NRG3: variants seen among roughly 807,000 people sequenced by gnomAD.
The protein encoded by NRG3 is neuregulin 3.
Under a neutral mutation model 66.9 loss-of-function variants are expected in NRG3, and 31 were observed. The ratio of observed to expected loss-of-function variants is 0.46; its 90% CI spans 0.35 to 0.63. The LOEUF (loss-of-function observed/expected upper bound fraction) is 0.63, where lower values mean the gene tolerates loss of function less well. Among genes scored for constraint, NRG3 ranks in the 20% least tolerant of loss-of-function variants. The probability of loss-of-function intolerance (pLI) is 0.00; values close to 1 mark genes in which losing one functional copy is unlikely to be tolerated. For synonymous variants in NRG3, 393 were observed against 359.4 expected (o/e 1.09, Z -1.06); for missense variants, 910 against 878.9 (o/e 1.04, Z -0.45).
chr10:82,000,919 T>C (rs1350914296), intron 1 of NRG3, among the ~76,000 whole-genome samples: 1 of 152,180 alleles, frequency 6.6e-6, no homozygotes, highest in Non-Finnish European at 1.5e-5. Flanking sequence ...TCTTTTAAAA[T>C]AATTTTATTC....
chr10:82,294,451 G>C (rs890611658), intron 1 of NRG3, among the ~76,000 whole-genome samples: 5 of 151,920 alleles, frequency 3.3e-5, no homozygotes, highest in Non-Finnish European at 7.4e-5. Flanking sequence ...GTGTGTGTGT[G>C]TGTGTGTGTG....
intron 3 of NRG3, among the ~76,000 whole-genome samples, chr10:82,739,446 A>G (rs2058312723): frequency 6.6e-6 from 1 of 152,212 alleles, no homozygotes; most frequent in African/African-American, 2.4e-5. Context: ...TGGAAAGGCC[A>G]AGTTATGGTT....
rs145662893 is a variant in NRG3, at chr10:82,472,647, T to G, written c.953+113779T>G. On this transcript the variant is annotated intron_variant, in intron 2 of 8. Transcript: ENST00000372141. ...GACACCTCAGGGGAGACATTTAAAG[T>G]CTTTCTTCAGAAGGACTCCCATGTG... Among the ~76,000 whole-genome samples, 606 of 152,320 alleles carry G rather than the reference T, an allele frequency of 4.0e-3. 2 individuals are homozygous for G. The highest frequency in any genetic ancestry group is 0.014 in the African/African-American group (575 of 41,568).
intron 3 of NRG3, among the ~76,000 whole-genome samples, chr10:82,815,821 CA>C (rs762064292): frequency 2.6e-5 from 4 of 152,122 alleles, no homozygotes; most frequent in Admixed American, 1.3e-4. Flanking sequence ...AAGGGTGAGC[CA>C]GGGGTGCAGC....
intron 3 of NRG3, among the ~76,000 whole-genome samples, chr10:82,829,327 A>G (rs2062398706): frequency 6.6e-6 from 1 of 150,864 alleles, no homozygotes; most frequent in Non-Finnish European, 1.5e-5. Flanking sequence ...TTAAAGAATA[A>G]TTGAACTCCT....
intron 8 of NRG3, among the ~76,000 whole-genome samples, chr10:82,981,573 CCTT>C (rs1010166573): frequency 6.6e-6 from 1 of 152,200 alleles, no homozygotes; most frequent in African/African-American, 2.4e-5. Context: ...GCCATCTGCT[CCTT>C]GTTTACCAAG....
rs188535297 is a variant in NRG3 at position 82,238,922 on chromosome 10, A to G, written c.824-119817A>G. Among the ~76,000 whole-genome samples the G allele has an allele frequency of 5.4e-5, 8 of 148,150 alleles. 1 individual carries two copies. Among genetic ancestry groups the G allele is most frequent in the African/African-American group, 2.0e-4 (8 of 40,710 alleles). On this transcript the variant is annotated intron_variant, in intron 1 of 8. Transcript: ENST00000372141. ...TTTTTAGGTTATACCGTATATATAT[A>G]TATATAATATTTATATAATATATAC...
intron 1 of NRG3, among the ~76,000 whole-genome samples, chr10:81,917,550 A>G (rs1011381756): frequency 6.6e-6 from 1 of 152,232 alleles, no homozygotes; most frequent in African/African-American, 2.4e-5. Flanking sequence ...GAGAGTAGGT[A>G]AAAACCCTTT....
chr10:82,267,378 C>T (rs1181414953), intron 1 of NRG3, among the ~76,000 whole-genome samples: 1 of 152,212 alleles, frequency 6.6e-6, no homozygotes, highest in African/African-American at 2.4e-5. Flanking sequence ...ACAGGCATCC[C>T]ATCCTTGCAG....
chr10:82,141,382 G>T (rs2069773703), intron 1 of NRG3, among the ~76,000 whole-genome samples: 3 of 152,120 alleles, frequency 2.0e-5, no homozygotes, highest in Admixed American at 2.0e-4. Context: ...TCATCCCCCA[G>T]ACCTGCAGAC....
At chr10:82,454,752 C>T (rs2091193603) in intron 2 of NRG3, among the ~76,000 whole-genome samples, 1 of 152,058 alleles carries the variant, frequency 6.6e-6, no homozygotes, top group Non-Finnish European at 1.5e-5. Context: ...AGGGAAAAAG[C>T]TATTCAAAGC....
intron 3 of NRG3, among the ~76,000 whole-genome samples, chr10:82,741,272 G>A (rs1393051472): frequency 6.6e-6 from 1 of 151,990 alleles, no homozygotes; most frequent in Non-Finnish European, 1.5e-5. Flanking sequence ...GTGCAAACAG[G>A]ATTTAGGCCC....
intron 2 of NRG3, among the ~76,000 whole-genome samples, chr10:82,409,762 T>G (rs1382184230): frequency 3.3e-5 from 5 of 152,254 alleles, no homozygotes; most frequent in Middle Eastern, 3.4e-3. Flanking sequence ...TTGGGATCCC[T>G]CACACTGTTG....
intron 3 of NRG3, among the ~76,000 whole-genome samples, chr10:82,834,150 T>A (rs941143599): frequency 6.6e-6 from 1 of 152,210 alleles, no homozygotes; most frequent in African/African-American, 2.4e-5. Context: ...AGCTTTGCTA[T>A]ATTAATGAGG....
chr10:82,662,369 A>T (rs1591068885), intron 2 of NRG3, among the ~76,000 whole-genome samples: 2 of 152,164 alleles, frequency 1.3e-5, no homozygotes, highest in East Asian at 1.9e-4. Context: ...TTAAAAAAAA[A>T]AAAATCATGA....
chr10:82,362,333 A>ATATATG (rs776684951), intron 2 of NRG3, among the ~76,000 whole-genome samples: 2 of 135,896 alleles, frequency 1.5e-5, no homozygotes, highest in African/African-American at 2.7e-5. Context: ...GTATATATAT[A>ATATATG]TGTGTGTGTG....
intron 1 of NRG3, among the ~76,000 whole-genome samples, chr10:82,206,151 T>G (rs2133563120): frequency 6.6e-6 from 1 of 152,310 alleles, no homozygotes; most frequent in Middle Eastern, 3.4e-3. Context: ...AAATACCACC[T>G]TAATCTCTCC....
intron 1 of NRG3, among the ~76,000 whole-genome samples, chr10:82,247,389 T>G (rs1023166608): frequency 3.3e-5 from 5 of 152,180 alleles, no homozygotes; most frequent in Admixed American, 2.6e-4. Context: ...GCATGTCCCC[T>G]CTTAGAAAGA....
chr10:82,335,226 C>G (rs781421844), intron 1 of NRG3, among the ~76,000 whole-genome samples: 2 of 152,202 alleles, frequency 1.3e-5, no homozygotes, highest in Non-Finnish European at 2.9e-5. Flanking sequence ...TGCCTAAAAT[C>G]ATGGCAGCTA....
Sources: allele counts gnomAD v4.1 joint callset (sites outside exome capture counted in the v4.1 genomes callset), GRCh38; gene constraint gnomAD v4.1.1; transcripts MANE v1.5; gene names NCBI Gene and HGNC (gene_info 2026-07-23, HGNC 2026-07-21).